Variants in EPN2 observed in about 807,000 individuals in gnomAD.
The protein encoded by EPN2 is epsin-2.
EPN2 carries 34 observed loss-of-function variants against 61.7 expected under a neutral mutation model. The ratio of observed to expected loss-of-function variants is 0.55; its 90% confidence interval spans 0.42 to 0.73. The LOEUF (loss-of-function observed/expected upper bound fraction) is 0.73, where lower values mean the gene tolerates loss of function less well. Ranked by LOEUF, EPN2 falls within the 30% of genes least tolerant of loss-of-function variation. The pLI, the probability that EPN2 is intolerant of heterozygous loss-of-function variation, is 0.00. For missense variants in EPN2, 714 were observed against 839.2 expected (o/e 0.85, Z 1.84); for synonymous variants, 349 against 353.6 (o/e 0.99, Z 0.15).
intron 1 of EPN2, among the ~76,000 whole-genome samples, chr17:19,281,320 G>A (rs1597991710): frequency 1.3e-5 from 2 of 152,322 alleles, no homozygotes; most frequent in East Asian, 3.9e-4. Context: ...TCATTCACAT[G>A]CAAAAAGACA....
intron 1 of EPN2, among the ~76,000 whole-genome samples, chr17:19,280,378 C>T (rs1363827633): frequency 1.3e-5 from 2 of 152,228 alleles, no homozygotes; most frequent in Admixed American, 6.5e-5. Context: ...TGAGGCCCAT[C>T]GTATCTTTGC....
intron 1 of EPN2, among the ~76,000 whole-genome samples, chr17:19,266,616 A>G (rs2045201071): frequency 1.3e-5 from 2 of 151,638 alleles, no homozygotes; most frequent in Non-Finnish European, 2.9e-5. Context: ...GTTAGCCAGG[A>G]TGGTTTCGAT....
chr17:19,323,328 G>T (rs1906729469), intron 7 of EPN2, among the ~76,000 whole-genome samples: 1 of 152,174 alleles, frequency 6.6e-6, no homozygotes, highest in African/African-American at 2.4e-5. Flanking sequence ...GTGGCTGGGG[G>T]TAAACACGGG....
At chr17:19,274,596 A>G (rs2045288041) in intron 1 of EPN2, among the ~76,000 whole-genome samples, 1 of 152,132 alleles carries the variant, frequency 6.6e-6, no homozygotes, top group Non-Finnish European at 1.5e-5. Context: ...TAGTTTCCTT[A>G]GGGACTTGAT....
intron 7 of EPN2, 156 bp downstream of exon 7, chr17:19,313,435 C>T (rs1906242534): frequency 1.8e-6 from 1 of 543,934 alleles, no homozygotes; most frequent in East Asian, 3.5e-5. Context: ...CTGGCCCTTG[C>T]CCTCCTCCTT....
intron 1 of EPN2, among the ~76,000 whole-genome samples, chr17:19,267,029 C>T (rs546931932): frequency 2.7e-4 from 39 of 146,664 alleles, no homozygotes; most frequent in Middle Eastern, 3.7e-3. Flanking sequence ...TTAGTAGAGA[C>T]GGGGTTTCCC....
At chr17:19,245,704 C>T (rs1261364848) in intron 1 of EPN2, among the ~76,000 whole-genome samples, 2 of 150,558 alleles carry the variant, frequency 1.3e-5, no homozygotes, top group Admixed American at 6.6e-5. Flanking sequence ...CTCTTGTCGC[C>T]TAAGCTGGAG....
At chr17:19,308,472 A>T in intron 4 of EPN2, 41 of 985,298 alleles carry the variant, frequency 4.2e-5, no homozygotes, top group Non-Finnish European at 4.8e-5. Flanking sequence ...CATGCATGTA[A>T]GCCTCCACCC....
At chr17:19,250,072 T>C (rs1398284743) in intron 1 of EPN2, among the ~76,000 whole-genome samples, 3 of 152,114 alleles carry the variant, frequency 2.0e-5, no homozygotes, top group African/African-American at 4.8e-5. Context: ...TACTATGTTT[T>C]AAAGTCAGCT....
At chr17:19,288,824 T>C (rs1348230083) in intron 4 of EPN2, among the ~76,000 whole-genome samples, 1 of 152,226 alleles carries the variant, frequency 6.6e-6, no homozygotes, top group Non-Finnish European at 1.5e-5. Context: ...TTCACTGTGC[T>C]TACCTTGCAG....
intron 7 of EPN2, among the ~76,000 whole-genome samples, chr17:19,326,387 A>G (rs1906866765): frequency 6.6e-6 from 1 of 152,040 alleles, no homozygotes; most frequent in Non-Finnish European, 1.5e-5. Context: ...TTGTGAGGAT[A>G]ATTAAGAAGG....
At chr17:19,259,306 G>GTTTT (rs1234676062) in intron 1 of EPN2, among the ~76,000 whole-genome samples, 2 of 132,650 alleles carry the variant, frequency 1.5e-5, no homozygotes, top group East Asian at 2.5e-4. Flanking sequence ...TGAGTGTTGG[G>GTTTT]TCTTTTTTTT....
At chr17:19,244,628 T>C (rs925439848) in intron 1 of EPN2, among the ~76,000 whole-genome samples, 1 of 152,076 alleles carries the variant, frequency 6.6e-6, no homozygotes, top group African/African-American at 2.4e-5. Flanking sequence ...ACAGTTCGAA[T>C]TTTTTTTCTT....
At chr17:19,305,366 AC>A (rs960287976) in intron 4 of EPN2, among the ~76,000 whole-genome samples, 11 of 151,048 alleles carry the variant, frequency 7.3e-5, no homozygotes, top group African/African-American at 2.7e-4. Flanking sequence ...CAAGTGATCC[AC>A]CCCCTTCGGT....
intron 1 of EPN2, among the ~76,000 whole-genome samples, chr17:19,241,522 G>A (rs896801027): frequency 1.3e-5 from 2 of 149,666 alleles, no homozygotes; most frequent in Admixed American, 1.3e-4. Context: ...GGAGGCAGAG[G>A]TTGCAGTGAG....
chr17:19,254,796 A>C (rs555582303), intron 1 of EPN2, among the ~76,000 whole-genome samples: 1 of 152,090 alleles, frequency 6.6e-6, no homozygotes, highest in South Asian at 2.1e-4. Context: ...ACAGGGACAG[A>C]CTTCTGTTTT....
chr17:19,326,631 T>G lies in EPN2; in HGVS notation c.1148-2080T>G, dbSNP rs1314581919. 3.1e-5 allele frequency among the ~76,000 whole-genome samples: 4 copies of G among 127,704 alleles called. No homozygotes were observed. In the Admixed American group the frequency reaches 4.2e-4, roughly 13 times the overall value. The allele number at this position is 127,704 out of a possible 152,430, so 83.8% of individuals were successfully genotyped here. A position where few individuals can be genotyped will look rare whatever the true frequency, so the allele number is the denominator to read the frequency against. On this transcript the variant is annotated intron_variant, in intron 7 of 10. Transcript: ENST00000314728. ...GAATCTGGGAGGTGGAGCTTGCAGT[T>G]AGCGATGATTGCGCCACTGCACTCC...
intron 4 of EPN2, among the ~76,000 whole-genome samples, chr17:19,307,477 A>G (rs1451767183): frequency 6.6e-6 from 1 of 151,906 alleles, no homozygotes; most frequent in Non-Finnish European, 1.5e-5. Flanking sequence ...TGCCCGGCTA[A>G]TTTATTTTGT....
intron 1 of EPN2, among the ~76,000 whole-genome samples, chr17:19,251,771 G>T (rs1567842719): frequency 6.6e-6 from 1 of 152,062 alleles, no homozygotes; most frequent in Non-Finnish European, 1.5e-5. Flanking sequence ...TGGAAGCTTG[G>T]ATATCATACA....
Sources: gnomAD v4.1 joint callset for allele counts (sites outside exome capture counted in the v4.1 genomes callset) on GRCh38, gnomAD v4.1.1 for gene constraint, MANE v1.5 for transcripts, NCBI Gene and HGNC (gene_info 2026-07-23, HGNC 2026-07-21) for gene names.